RBM25: variants seen among roughly 807,000 people sequenced by gnomAD.
RBM25 encodes RNA binding motif protein 25.
RBM25 carries 19 observed loss-of-function variants against 120.7 expected under a neutral mutation model. That is an observed-to-expected ratio of 0.16 (90% CI 0.11 to 0.23). RBM25 has a LOEUF of 0.23. Ranked by LOEUF, RBM25 falls within the 10% of genes least tolerant of loss-of-function variation. RBM25 has a pLI of 1.00. For missense variants in RBM25, 605 were observed against 1,041.5 expected, an observed-to-expected ratio of 0.58 and a Z score of 5.77; for synonymous variants, 390 against 326.7, an observed-to-expected ratio of 1.19 and a Z score of -2.09.
At chr14:73,063,162 T>G (rs1895044858) in intron 1 of RBM25, among the ~76,000 whole-genome samples, 2 of 150,486 alleles carry the variant, frequency 1.3e-5, no homozygotes, top group Non-Finnish European at 3.0e-5. Flanking sequence ...AGAGTTTCTT[T>G]TTTTTGAGAT....
chr14:73,096,429 C>T (rs115078402), intron 6 of RBM25, among the ~76,000 whole-genome samples: 54 of 152,242 alleles, frequency 3.5e-4, no homozygotes, highest in African/African-American at 1.3e-3. Flanking sequence ...CCTAAACTCC[C>T]GATTCTTGCA....
intron 1 of RBM25, among the ~76,000 whole-genome samples, chr14:73,065,892 T>C (rs192264436): frequency 1.3e-5 from 2 of 152,254 alleles, no homozygotes; most frequent in African/African-American, 4.8e-5. Context: ...ATATCTAATA[T>C]TATTGGGGGA....
At chr14:73,078,410 G>T (rs1895475996) in intron 4 of RBM25, among the ~76,000 whole-genome samples, 1 of 152,168 alleles carries the variant, frequency 6.6e-6, no homozygotes, top group African/African-American at 2.4e-5. Context: ...AGAATTGCTT[G>T]AGTCTAGGAG....
chr14:73,081,920 C>T (rs1026173771), intron 4 of RBM25, among the ~76,000 whole-genome samples: 7 of 152,068 alleles, frequency 4.6e-5, no homozygotes, highest in South Asian at 2.1e-4. Context: ...TGAAATTCTT[C>T]GAATGTTTAT....
chr14:73,068,471 A>G (rs1425952912), intron 1 of RBM25: 3 of 860,248 alleles, frequency 3.5e-6, no homozygotes, highest in African/African-American at 3.4e-5. Context: ...GAACAAATCC[A>G]AGTTTTGACG....
intron 1 of RBM25, among the ~76,000 whole-genome samples, chr14:73,067,067 A>ATTT (rs375705058): frequency 0.011 from 1,469 of 131,168 alleles, 25 homozygotes; most frequent in Non-Finnish European, 0.018. Context: ...GATACATATA[A>ATTT]TTTTTTTTTT....
intron 18 of RBM25, among the ~76,000 whole-genome samples, chr14:73,118,011 A>G (rs1024283866): frequency 1.4e-4 from 22 of 152,218 alleles, no homozygotes; most frequent in African/African-American, 5.3e-4. Flanking sequence ...AGAGAGGAAG[A>G]CAATTTCCTC....
At position 73,103,440 on chromosome 14, in the gene RBM25, A is replaced by C; in HGVS notation, c.1116A>C (p.Glu372Asp). 6.2e-7 allele frequency: 1 copy of C among 1,610,562 alleles called. No individual in the cohort carries two copies. Among genetic ancestry groups the C allele is most frequent in the African/African-American group, 1.3e-5 (1 of 74,630 alleles). Residue 372 changes from glutamate (E) to aspartate (D), a missense_variant, in exon 10 of 19, where the codon GAA (glutamate) becomes GAC (aspartate). Glu to Asp is a conservative substitution (Grantham distance 45). Transcript: ENST00000261973. The part of the protein sequence containing the change: ...DRERDRDRDR[E>D]RSSDRNKDRS... ...AGAGAGATCGTGACCGGGATAGAGA[A>C]AGGAGCTCAGATCGTAATAAGGATC...
intron 18 of RBM25, among the ~76,000 whole-genome samples, chr14:73,115,938 GA>G (rs1896418109): frequency 6.6e-6 from 1 of 152,188 alleles, no homozygotes; most frequent in African/African-American, 2.4e-5. Flanking sequence ...TGGGTATTGG[GA>G]GTCAGATTGG....
rs1408569535 is a variant in RBM25 at position 73,068,374 on chromosome 14, A to G, written c.-15-3253A>G. On this transcript the variant is annotated intron_variant, in intron 1 of 18. Transcript: ENST00000261973. ...GTGAGCAGCATTTAATGGAGAGACA[A>G]TGCTTGTATTTGATTTTTTTTTTTT... is the stretch of plus-strand genomic sequence containing the variant. The G allele has an allele frequency of 4.6e-6, 3 of 654,212 alleles. No individual in the cohort carries two copies. In the East Asian group the frequency reaches 9.2e-5, roughly 20 times the overall value. The allele number at this position is 654,212 out of a possible 1,614,324, so 40.5% of individuals were successfully genotyped here.
chr14:73,064,224 CAG>C (rs1442825019), intron 1 of RBM25, among the ~76,000 whole-genome samples: 16 of 151,576 alleles, frequency 1.1e-4, no homozygotes, highest in African/African-American at 3.6e-4. Flanking sequence ...CTATAGGTAA[CAG>C]ATAAGCTTTG....
rs1896378250 is a variant in RBM25, at chr14:73,114,365, T to G, written c.2439+32T>G. The G allele has an allele frequency of 2.6e-6, 4 of 1,511,060 alleles. No individual in the cohort carries two copies. The Admixed American group carries it at 8.2e-5, about 31-fold the overall frequency. 93.6% of individuals were successfully genotyped at this position (1,511,060 alleles called of 1,614,324 possible). On this transcript the variant is annotated intron_variant, in intron 18 of 18. Transcript: ENST00000261973. ...TAGAAATTCACTATTTTTATTTCTT[T>G]TAATTTAAAAAAAGTTTTTGGTTTT...
intron 5 of RBM25, among the ~76,000 whole-genome samples, chr14:73,087,173 T>G (rs1895706565): frequency 6.6e-6 from 1 of 152,218 alleles, no homozygotes; most frequent in Non-Finnish European, 1.5e-5. Context: ...TTCTTAGATT[T>G]AATTTTGTTT....
chr14:73,074,943 A>G (rs75391671), intron 2 of RBM25, among the ~76,000 whole-genome samples: 7,779 of 150,882 alleles, frequency 0.052, 424 homozygotes, highest in African/African-American at 0.14. Flanking sequence ...TGGCCTCCCA[A>G]AGTGTTTGGA....
chr14:73,070,897 A>G (rs907271571), intron 1 of RBM25, among the ~76,000 whole-genome samples: 4 of 150,076 alleles, frequency 2.7e-5, no homozygotes, highest in African/African-American at 9.8e-5. Context: ...CAGTAAGCCA[A>G]GATTGCACCA....
chr14:73,094,493 G>T (rs139162709), intron 6 of RBM25, among the ~76,000 whole-genome samples: 241 of 151,798 alleles, frequency 1.6e-3, no homozygotes, highest in African/African-American at 4.4e-3. Flanking sequence ...TGTCGCCCAG[G>T]CTGGAGTGCA....
chr14:73,106,413 T>A, intron 12 of RBM25, 128 bp downstream of exon 12: 5 of 811,802 alleles, frequency 6.2e-6, no homozygotes, highest in Non-Finnish European at 8.7e-6. Flanking sequence ...TTAATTTTTA[T>A]GTATTTTGAG....
intron 4 of RBM25, among the ~76,000 whole-genome samples, chr14:73,081,935 T>C (rs1468703013): frequency 6.6e-6 from 1 of 152,216 alleles, no homozygotes; most frequent in Non-Finnish European, 1.5e-5. Context: ...GTTTATTTGA[T>C]TTTCTTATTT....
chr14:73,064,499 A>G (rs1380219657), intron 1 of RBM25, among the ~76,000 whole-genome samples: 1 of 150,988 alleles, frequency 6.6e-6, no homozygotes, highest in Admixed American at 6.6e-5. Context: ...GGTTTAAGCA[A>G]TTCTCCTGCC....
Sources: gnomAD v4.1 joint callset for allele counts (sites outside exome capture counted in the v4.1 genomes callset) on GRCh38, gnomAD v4.1.1 for gene constraint, MANE v1.5 for transcripts, NCBI Gene and HGNC (gene_info 2026-07-23, HGNC 2026-07-21) for gene names.